AARS1: variants seen among roughly 807,000 people sequenced by gnomAD.
The protein encoded by AARS1 is alanyl-tRNA synthetase 1.
Under a neutral mutation model 108.9 loss-of-function variants are expected in AARS1, and 72 were observed. The ratio of observed to expected loss-of-function variants is 0.66; its 90% CI spans 0.55 to 0.80. The LOEUF (loss-of-function observed/expected upper bound fraction) is 0.80, where lower values mean the gene tolerates loss of function less well. AARS1 is among the 30% of genes least tolerant of loss of function. The pLI is 0.00. For missense variants in AARS1, 1,193 were observed against 1,233.2 expected (o/e 0.97, Z 0.49); for synonymous variants, 489 against 465.7 (o/e 1.05, Z -0.64).
chr16:70,282,272 T>G (rs1448776705), intron 2 of AARS1, among the ~76,000 whole-genome samples: 1 of 137,192 alleles, frequency 7.3e-6, no homozygotes, highest in African/African-American at 2.8e-5. Context: ...GAACTTGCAG[T>G]GAGCCGAGAT....
At chr16:70,267,023 A>G (rs1454827463) in intron 9 of AARS1, among the ~76,000 whole-genome samples, 1 of 151,850 alleles carries the variant, frequency 6.6e-6, no homozygotes, top group African/African-American at 2.4e-5. Context: ...TTTTTAGTAG[A>G]GACGGGGTTT....
In AARS1 at chr16:70,255,822, G is replaced by C. The variant is rs150873930; in HGVS notation, c.2192C>G (p.Ser731Trp). 1.2e-6 allele frequency: 2 copies of C among 1,613,742 alleles called. No homozygotes were observed. Among genetic ancestry groups the C allele is most frequent in the Non-Finnish European group, 1.7e-6 (2 of 1,179,856 alleles). The change falls in exon 16 of 21, where the codon TCG becomes TGG. Residue 731 changes from serine (S) to tryptophan (W), a missense_variant. Coordinates refer to ENST00000261772, the MANE Select transcript of AARS1 (RefSeq NM_001605.3). ...GATCACAAAAGCTCCTGCATGACTC[G>C]AGTTCCGCAGGTGCCTGAATGGCAG... The part of the protein sequence containing the change: ...EFCGGTHLRN[S>W]SHAGAFVIVT...
At chr16:70,257,989 T>G (rs147301964) in intron 15 of AARS1, 44 bp downstream of exon 15, 5 of 1,605,832 alleles carry the variant, frequency 3.1e-6, no homozygotes, top group Non-Finnish European at 4.3e-6. Flanking sequence ...CCTCAGAGGA[T>G]GAAGGTAGAT....
At chr16:70,274,319 C>A (rs1960484748) in intron 4 of AARS1, among the ~76,000 whole-genome samples, 1 of 150,282 alleles carries the variant, frequency 6.7e-6, no homozygotes, top group African/African-American at 2.5e-5. Context: ...CCAGCCTGGG[C>A]AACAAGAGCG....
Position 70,265,103 on chromosome 16 carries a change from C to G in AARS1, c.1348-1G>C. ...CAGCTCCCTTGCCCTGTGATTTCAG[C>G]TGTCAGCAAGAGAAACAAGCATAAG... On this transcript the variant is annotated splice_acceptor_variant, in intron 10 of 20. Coordinates refer to ENST00000261772, the MANE Select transcript of AARS1 (RefSeq NM_001605.3). LOFTEE classifies it high-confidence loss of function. 1 of 1,614,072 alleles carries G rather than the reference C, an allele frequency of 6.2e-7. No individual in the cohort carries two copies. Among genetic ancestry groups the G allele is most frequent in the Non-Finnish European group, 8.5e-7 (1 of 1,180,030 alleles).
At chr16:70,272,881 G>C (rs1327143808) in intron 4 of AARS1, among the ~76,000 whole-genome samples, 1 of 96,116 alleles carries the variant, frequency 1.0e-5, no homozygotes, top group Non-Finnish European at 1.9e-5. Flanking sequence ...CTGCACTCCA[G>C]CCTGGGTGAC....
rs879668349 is a variant in AARS1 at position 70,270,184 on chromosome 16, T to C, written c.816+12A>G. 2 of 1,613,992 alleles carry C rather than the reference T, an allele frequency of 1.2e-6. No homozygotes were observed. The highest frequency in any genetic ancestry group is 2.2e-5 in the East Asian group (1 of 44,886). On this transcript the variant is annotated intron_variant, in intron 6 of 20. Transcript: ENST00000261772. ...CCACAGAAGTTTACAATGTTTGCAA[T>C]AGCACCAGTACCTTCTGAATGGCTT...
chr16:70,281,384 G>C (rs1444560552), intron 2 of AARS1, among the ~76,000 whole-genome samples: 1 of 152,094 alleles, frequency 6.6e-6, no homozygotes, highest in Admixed American at 6.6e-5. Flanking sequence ...AATAAATTTA[G>C]GCCAGGCAAG....
intron 14 of AARS1, 150 bp from the exon 15 acceptor site, chr16:70,258,367 G>A (rs1338120746): frequency 1.6e-5 from 13 of 789,348 alleles, no homozygotes; most frequent in South Asian, 7.6e-5. Flanking sequence ...CACACGCCAC[G>A]TGCAAAGTCA....
rs1440131905 is a variant in AARS1, at chr16:70,253,178, A to G, written c.2721+90T>C. The stretch of plus-strand genomic sequence containing the variant: ...AAAGGTAACCAACCGGTGGGCAGAA[A>G]GGCTGTTTCGAATGCAGGCTGTACA... On this transcript the variant is annotated intron_variant, in intron 20 of 20. Coordinates refer to ENST00000261772, the MANE Select transcript of AARS1 (RefSeq NM_001605.3). 4.4e-6 allele frequency: 5 copies of G among 1,144,730 alleles called. No individual in the cohort carries two copies. The African/African-American group carries it at 6.1e-5, about 14-fold the overall frequency. 70.9% of individuals were successfully genotyped at this position (1,144,730 alleles called of 1,614,324 possible). A position where few individuals can be genotyped will look rare whatever the true frequency, so the allele number is the denominator to read the frequency against.
chr16:70,256,091 A>T (rs1227238654), intron 15 of AARS1, among the ~76,000 whole-genome samples: 1 of 152,204 alleles, frequency 6.6e-6, no homozygotes, highest in Non-Finnish European at 1.5e-5. Context: ...GTGGTCCCTA[A>T]TATCCAATAC....
At chr16:70,266,415 G>T (rs967881959) in intron 9 of AARS1, among the ~76,000 whole-genome samples, 9 of 151,992 alleles carry the variant, frequency 5.9e-5, no homozygotes, top group Non-Finnish European at 1.3e-4. Flanking sequence ...AGAATGGCAT[G>T]ACCCTGGGAG....
chr16:70,259,973 T>C (rs1960095717), intron 13 of AARS1, among the ~76,000 whole-genome samples: 1 of 152,122 alleles, frequency 6.6e-6, no homozygotes, highest in Non-Finnish European at 1.5e-5. Flanking sequence ...GGTTTCTCCA[T>C]GTTGGTCAGG....
chr16:70,287,116 T>C (rs1960864453), intron 1 of AARS1, among the ~76,000 whole-genome samples: 1 of 150,720 alleles, frequency 6.6e-6, no homozygotes, highest in South Asian at 2.1e-4. Flanking sequence ...CCGGGCGTGG[T>C]AGCGGGCGCC....
intron 11 of AARS1, among the ~76,000 whole-genome samples, chr16:70,262,851 C>T (rs1278590852): frequency 6.6e-6 from 1 of 151,104 alleles, no homozygotes; most frequent in Non-Finnish European, 1.5e-5. Context: ...ACCTGTAGTC[C>T]CAGCTACTCA....
In AARS1 at chr16:70,252,918, G is replaced by A. The variant is rs781277357; in HGVS notation, c.2722-12C>T. 9.3e-6 allele frequency: 15 copies of A among 1,613,834 alleles called. No homozygotes were observed. The Admixed American group carries it at 2.5e-4, about 27-fold the overall frequency. ...CGATTGGCTGCATTCTAGAAGACAG[G>A]AAGGGAAGGGGGAGTCAGCACAGAA... On this transcript the variant is annotated splice_polypyrimidine_tract_variant and intron_variant, in intron 20 of 20. Transcript: ENST00000261772.
chr16:70,265,504 G>A, intron 10 of AARS1, 34 bp downstream of exon 10: 2 of 1,613,290 alleles, frequency 1.2e-6, no homozygotes, highest in Non-Finnish European at 1.7e-6. Context: ...GTTGGAAGGT[G>A]TTGGGTTTCC....
At position 70,254,597 on chromosome 16, in the gene AARS1, CGGAG is replaced by C; in HGVS notation, c.2400+20_2400+23del. The C allele has an allele frequency of 6.6e-7, 1 of 1,508,410 alleles. No homozygotes were observed. The highest frequency in any genetic ancestry group is 1.4e-5 in the African/African-American group (1 of 72,944). The allele number at this position is 1,508,410 out of a possible 1,614,324, so 93.4% of individuals were successfully genotyped here. The stretch of plus-strand genomic sequence containing the variant: ...TGTTTCATGCACCAGGCCCTGAGGA[CGGAG>C]GGAGGGAAGCCGCCCCTACCTCTCC... On this transcript the variant is annotated intron_variant, in intron 17 of 20. Transcript: ENST00000261772.
rs764124393 is a variant in AARS1, at chr16:70,262,384, C to T, written c.1633G>A (p.Glu545Lys). 5 of 1,614,194 alleles carry T rather than the reference C, an allele frequency of 3.1e-6. No individual in the cohort carries two copies. Among genetic ancestry groups the T allele is most frequent in the Admixed American group, 3.3e-5 (2 of 60,014 alleles). The change falls in exon 12 of 21, where the codon GAA (glutamate) becomes AAA (lysine). Residue 545 changes from glutamate to lysine, a missense_variant. Coordinates refer to ENST00000261772, the MANE Select transcript of AARS1 (RefSeq NM_001605.3). ...TCATCCACCTTCACCAGGTAGCCTT[C>T]GTCATAGATCTGGCCTCCTTGCTCA... ...YAEQGGQIYD[E>K]GYLVKVDDSS...
Sources: gnomAD v4.1 joint callset for allele counts (sites outside exome capture counted in the v4.1 genomes callset) on GRCh38, gnomAD v4.1.1 for gene constraint, MANE v1.5 for transcripts, NCBI Gene and HGNC (gene_info 2026-07-23, HGNC 2026-07-21) for gene names.